Variants in POGZ observed in about 807,000 individuals in gnomAD.
POGZ encodes the protein pogo transposable element with ZNF domain.
POGZ carries 17 observed loss-of-function variants against 134.6 expected under a neutral mutation model. The ratio of observed to expected loss-of-function variants is 0.13; its 90% CI spans 0.09 to 0.19. POGZ has a LOEUF of 0.19. Among genes scored for constraint, POGZ ranks in the 10% least tolerant of loss-of-function variants. The pLI is 1.00. For synonymous variants in POGZ, 693 were observed against 657.1 expected (o/e 1.05, Z -0.84); for missense variants, 1,306 against 1,769.7 (o/e 0.74, Z 4.70).
In POGZ at chr1:151,412,442, A is replaced by G. The variant is rs554301443; in HGVS notation, c.1679-46T>C. ...AATAAATCCACTTGAAAATAAGACA[A>G]AAGTCCTGCTGACTCACAATCTTTA... On this transcript the variant is annotated intron_variant, in intron 10 of 18. Transcript: ENST00000271715. The G allele has an allele frequency of 1.1e-5, 11 of 1,034,238 alleles. No individual in the cohort carries two copies. The African/African-American group carries it at 1.1e-4, about 10-fold the overall frequency. 64.1% of individuals were successfully genotyped at this position (1,034,238 alleles called of 1,614,324 possible).
intron 17 of POGZ, 100 bp downstream of exon 17, chr1:151,406,811 G>C: frequency 9.9e-7 from 1 of 1,010,210 alleles, no homozygotes; most frequent in Admixed American, 2.0e-5. Flanking sequence ...TCTCAACAGT[G>C]AATGAGTGAG....
intron 7 of POGZ, chr1:151,426,048 A>G (rs1430148458): frequency 6.6e-6 from 1 of 152,156 alleles, no homozygotes; most frequent in African/African-American, 2.4e-5. Flanking sequence ...TAGCCATCCT[A>G]ATGGGAGTGA....
chr1:151,407,081 T>TA, intron 16 of POGZ, 58 bp from the exon 17 acceptor site: 1 of 1,417,682 alleles, frequency 7.1e-7, no homozygotes, highest in Non-Finnish European at 9.9e-7. Flanking sequence ...TTGAGACCAT[T>TA]AAGCTTTGAG....
chr1:151,403,586 A>G lies in POGZ; in HGVS notation c.*1216T>C, dbSNP rs571377366. ...AAAAAATCCCTCATGCAAATTGTAG[A>G]AAAAATTTTCTTTCCTTGAAGCTGG... On this transcript the variant is annotated 3_prime_UTR_variant, in exon 19 of 19. Coordinates refer to ENST00000271715, the MANE Select transcript of POGZ (RefSeq NM_015100.4). 3 of 985,834 alleles carry G rather than the reference A, an allele frequency of 3.0e-6. No homozygotes were observed. Among genetic ancestry groups the G allele is most frequent in the African/African-American group, 3.5e-5 (2 of 57,348 alleles). 61.1% of individuals were successfully genotyped at this position (985,834 alleles called of 1,614,324 possible).
At chr1:151,447,750 A>G (rs770394357) in intron 1 of POGZ, among the ~76,000 whole-genome samples, 1 of 149,154 alleles carries the variant, frequency 6.7e-6, no homozygotes, top group Non-Finnish European at 1.5e-5. Context: ...TCAGATTCCC[A>G]AAGTGCTGGG....
chr1:151,420,323 T>G (rs1327360356), intron 10 of POGZ, among the ~76,000 whole-genome samples: 1 of 152,130 alleles, frequency 6.6e-6, no homozygotes, highest in Admixed American at 6.6e-5. Context: ...TACCATTGAT[T>G]CTTTGTTTTT....
intron 1 of POGZ, among the ~76,000 whole-genome samples, chr1:151,449,096 C>CT (rs1451060195): frequency 2.6e-5 from 4 of 152,100 alleles, no homozygotes; most frequent in African/African-American, 9.7e-5. Context: ...TCATTTCGAA[C>CT]CTTCAATTAA....
At position 151,404,394 on chromosome 1, in the gene POGZ, A is replaced by G. The variant is rs1173562808; in HGVS notation, c.*408T>C. 1 of 991,666 alleles carries G rather than the reference A, an allele frequency of 1.0e-6. No individual in the cohort carries two copies. The highest frequency in any genetic ancestry group is 1.2e-6 in the Non-Finnish European group (1 of 833,060). 61.4% of individuals were successfully genotyped at this position (991,666 alleles called of 1,614,324 possible). A position where few individuals can be genotyped will look rare whatever the true frequency, so the allele number is the denominator to read the frequency against. On this transcript the variant is annotated 3_prime_UTR_variant, in exon 19 of 19. Coordinates refer to ENST00000271715, the MANE Select transcript of POGZ (RefSeq NM_015100.4). ...TGCCCAAAGACATTGGCCACACAAT[A>G]AAACAAACAAAAAAACCCAGTACTA...
chr1:151,423,872 G>A (rs762820238), intron 9 of POGZ, 77 bp downstream of exon 9: 3 of 1,181,640 alleles, frequency 2.5e-6, no homozygotes, highest in Non-Finnish European at 3.6e-6. Flanking sequence ...ATTCTCCAAA[G>A]AGAAAGACTT....
intron 10 of POGZ, among the ~76,000 whole-genome samples, chr1:151,419,471 A>T (rs1557893193): frequency 6.6e-6 from 1 of 151,680 alleles, no homozygotes; most frequent in Non-Finnish European, 1.5e-5. Flanking sequence ...AGCATGGCAA[A>T]ACCCTATCTC....
chr1:151,443,131 T>C (rs186503603), intron 1 of POGZ, among the ~76,000 whole-genome samples: 2 of 152,400 alleles, frequency 1.3e-5, no homozygotes, highest in East Asian at 1.9e-4. Flanking sequence ...ATTCAGTCTT[T>C]ATTTAAAATA....
At chr1:151,418,103 C>A (rs1463077161) in intron 10 of POGZ, among the ~76,000 whole-genome samples, 1 of 151,956 alleles carries the variant, frequency 6.6e-6, no homozygotes, top group Non-Finnish European at 1.5e-5. Flanking sequence ...GTAATCCCAG[C>A]TACTCAGGAG....
Position 151,403,564 on chromosome 1 carries a change from AAAT to A in POGZ, c.*1235_*1237del. 9.1e-6 allele frequency: 9 copies of A among 985,696 alleles called. No individual in the cohort carries two copies. The highest frequency in any genetic ancestry group is 1.1e-5 in the Non-Finnish European group (9 of 829,786). 61.1% of individuals were successfully genotyped at this position (985,696 alleles called of 1,614,324 possible). On this transcript the variant is annotated 3_prime_UTR_variant, in exon 19 of 19. Transcript: ENST00000271715. ...CAACCATGAGTACATACAATTAAAA[AAAT>A]CCCTCATGCAAATTGTAGAAAAAAT...
At position 151,451,963 on chromosome 1, in the gene POGZ, G is replaced by A. The variant is rs568447387; in HGVS notation, c.-2+7189C>T. Among the ~76,000 whole-genome samples the A allele has an allele frequency of 2.6e-5, 4 of 151,674 alleles. No individual in the cohort carries two copies. The Admixed American group carries it at 2.7e-4, about 10-fold the overall frequency. On this transcript the variant is annotated intron_variant, in intron 1 of 18. Coordinates refer to ENST00000271715, the MANE Select transcript of POGZ (RefSeq NM_015100.4). The stretch of plus-strand genomic sequence containing the variant: ...AATACAAAAATTAGCCGGGCGTGGT[G>A]GTGGGCACCTGTAATCCCAGCTACT...
At chr1:151,408,046 A>G in intron 15 of POGZ, 54 bp downstream of exon 15, 1 of 1,421,922 alleles carries the variant, frequency 7.0e-7, no homozygotes, top group Admixed American at 2.2e-5. Flanking sequence ...AAGAAGAAGA[A>G]GAAAAAAAGA....
Position 151,428,179 on chromosome 1 carries a change from C to T in POGZ, c.803G>A (p.Gly268Glu). The T allele has an allele frequency of 6.2e-7, 1 of 1,614,144 alleles. No homozygotes were observed. Among genetic ancestry groups the T allele is most frequent in the South Asian group, 1.1e-5 (1 of 91,078 alleles). ...TPTATQPTSL[G>E]QLAVQSPGQS... ...GCCTGGAGACTGAACAGCTAGTTGC[C>T]CCAGTGAGGTTGGCTGTGTGGCAGT... Residue 268 changes from glycine to glutamate, a missense_variant, in exon 6 of 19, where the codon GGG (glycine) becomes GAG (glutamate). Gly to Glu is a moderately conservative substitution (Grantham distance 98, BLOSUM62 -2). Around this residue, in one of 10 missense-constraint regions of POGZ, gnomAD observed 541 missense variants for 680.5 expected, o/e 0.80. Coordinates refer to ENST00000271715, the MANE Select transcript of POGZ (RefSeq NM_015100.4).
intron 1 of POGZ, chr1:151,451,195 C>T (rs577487126): frequency 6.6e-6 from 1 of 150,662 alleles, no homozygotes; most frequent in Non-Finnish European, 1.5e-5. Flanking sequence ...TAATAATTCA[C>T]ATTAGTTATC....
chr1:151,440,569 G>A (rs1314563513), intron 3 of POGZ, among the ~76,000 whole-genome samples: 1 of 152,024 alleles, frequency 6.6e-6, no homozygotes, highest in African/African-American at 2.4e-5. Context: ...GAACTGCCCT[G>A]GGAAAATTCT....
intron 1 of POGZ, among the ~76,000 whole-genome samples, chr1:151,444,483 C>T (rs774199547): frequency 9.9e-5 from 15 of 152,236 alleles, no homozygotes; most frequent in Admixed American, 5.2e-4. Context: ...ATAATTAATG[C>T]GCAAATATCC....
Sources: allele counts gnomAD v4.1 joint callset (sites outside exome capture counted in the v4.1 genomes callset), GRCh38; gene constraint gnomAD v4.1.1; regional missense constraint gnomAD v4.1.1; transcripts MANE v1.5; gene names NCBI Gene and HGNC (gene_info 2026-07-23, HGNC 2026-07-21).